Variants in LRMDA observed in about 807,000 individuals in gnomAD.
LRMDA encodes the protein leucine rich melanocyte differentiation associated.
In LRMDA, 18 loss-of-function variants were observed where a neutral mutation model predicts 29.8. The ratio of observed to expected loss-of-function variants is 0.60; its 90% CI spans 0.42 to 0.90. The LOEUF (loss-of-function observed/expected upper bound fraction) is 0.90, where lower values mean the gene tolerates loss of function less well. Among genes scored for constraint, LRMDA ranks in the 40% least tolerant of loss-of-function variants. LRMDA has a pLI of 0.00. For synonymous variants in LRMDA, 125 were observed against 109.4 expected (o/e 1.14, Z -0.89); for missense variants, 273 against 273.9 (o/e 1.00, Z 0.02).
rs116222366 is a variant in LRMDA at position 76,201,966 on chromosome 10, G to A, written c.517-122435G>A. Among the ~76,000 whole-genome samples, 1,251 of 152,114 alleles carry A rather than the reference G, an allele frequency of 8.2e-3. 18 individuals carry two copies. Among genetic ancestry groups the A allele is most frequent in the African/African-American group, 0.029 (1,185 of 41,486 alleles). On this transcript the variant is annotated intron_variant, in intron 5 of 6. Transcript: ENST00000611255. ...TCTCACAGGTCTTTGGTCTCAGCTG[G>A]GGACCCTAGGATGGCTTATATGGCT...
At position 75,709,872 on chromosome 10, in the gene LRMDA, G is replaced by A. The variant is rs957473552; in HGVS notation, c.131+271378G>A. Among the ~76,000 whole-genome samples, 45 of 152,182 alleles carry A rather than the reference G, an allele frequency of 3.0e-4. 1 individual carries two copies. On this transcript the variant is annotated intron_variant, in intron 2 of 6. Transcript: ENST00000611255. ...GCTATAGATGCAAGATAATTTTGCT[G>A]CTCCTCACCTCCCTTGGCAGCCTTC...
chr10:75,952,824 G>T (rs968575222), intron 2 of LRMDA, among the ~76,000 whole-genome samples: 1 of 151,860 alleles, frequency 6.6e-6, no homozygotes, highest in African/African-American at 2.4e-5. Flanking sequence ...TGGTGCTCTC[G>T]GCTCACTGCA....
intron 6 of LRMDA, among the ~76,000 whole-genome samples, chr10:76,509,198 A>C (rs747041165): frequency 6.6e-6 from 1 of 152,156 alleles, no homozygotes; most frequent in Non-Finnish European, 1.5e-5. Flanking sequence ...TTTCCTGGTA[A>C]GAGCTCATAT....
At chr10:75,949,890 G>T (rs1213868318) in intron 2 of LRMDA, among the ~76,000 whole-genome samples, 2 of 152,182 alleles carry the variant, frequency 1.3e-5, no homozygotes, top group Non-Finnish European at 2.9e-5. Flanking sequence ...AAGAGGGCAT[G>T]AAGTGTGGAT....
At chr10:75,730,536 T>A (rs1379860286) in intron 2 of LRMDA, among the ~76,000 whole-genome samples, 1 of 152,240 alleles carries the variant, frequency 6.6e-6, no homozygotes, top group Non-Finnish European at 1.5e-5. Context: ...ACAGGACTGC[T>A]GCAGTCTGGA....
intron 2 of LRMDA, among the ~76,000 whole-genome samples, chr10:75,849,552 A>G (rs891281223): frequency 6.6e-5 from 10 of 152,286 alleles, no homozygotes; most frequent in East Asian, 1.9e-4. Context: ...GAGCCGAACA[A>G]TGAGATCACA....
At chr10:75,632,412 T>G (rs527312952) in intron 2 of LRMDA, among the ~76,000 whole-genome samples, 41 of 152,346 alleles carry the variant, frequency 2.7e-4, no homozygotes, top group African/African-American at 9.9e-4. Flanking sequence ...TATCTCTTTT[T>G]TCTTTTTTTC....
At chr10:76,399,250 G>A (rs1482216025) in intron 6 of LRMDA, among the ~76,000 whole-genome samples, 2 of 152,114 alleles carry the variant, frequency 1.3e-5, no homozygotes, top group Non-Finnish European at 2.9e-5. Flanking sequence ...TTTTTGAGGG[G>A]CCTTTGCCTG....
At chr10:76,189,795 AG>A (rs1287160833) in intron 5 of LRMDA, among the ~76,000 whole-genome samples, 5 of 152,214 alleles carry the variant, frequency 3.3e-5, no homozygotes, top group Admixed American at 2.0e-4. Context: ...AGATGCTCTC[AG>A]ATAATCCAAA....
rs1193540312 is a variant in LRMDA at position 75,931,671 on chromosome 10, C to T, written c.132-104337C>T. On this transcript the variant is annotated intron_variant, in intron 2 of 6. Coordinates refer to ENST00000611255, the MANE Select transcript of LRMDA (RefSeq NM_001305581.2). ...GCTCAAGGAAGTCCACCCAAGAATG[C>T]TGGTGCATCAGTGAGACTCTTTAGC... 2.6e-5 allele frequency among the ~76,000 whole-genome samples: 4 copies of T among 152,282 alleles called. 1 individual carries two copies. Among genetic ancestry groups the T allele is most frequent in the Admixed American group, 1.3e-4 (2 of 15,302 alleles).
chr10:76,519,622 C>T (rs902960639), intron 6 of LRMDA, among the ~76,000 whole-genome samples: 5 of 152,142 alleles, frequency 3.3e-5, no homozygotes, highest in African/African-American at 1.2e-4. Flanking sequence ...TCCCACAAAA[C>T]TGTACTAATT....
intron 5 of LRMDA, among the ~76,000 whole-genome samples, chr10:76,235,957 A>C (rs1852144663): frequency 6.6e-6 from 1 of 152,168 alleles, no homozygotes; most frequent in Admixed American, 6.5e-5. Flanking sequence ...ACCAGCTCGA[A>C]ATATGCCAAA....
chr10:75,466,234 A>G (rs1461107611), intron 2 of LRMDA, among the ~76,000 whole-genome samples: 1 of 152,200 alleles, frequency 6.6e-6, no homozygotes. Context: ...ATTTTCCAGA[A>G]GCAAGCCTGG....
At chr10:76,135,073 A>C (rs1157515844) in intron 5 of LRMDA, among the ~76,000 whole-genome samples, 2 of 152,236 alleles carry the variant, frequency 1.3e-5, no homozygotes, top group African/African-American at 4.8e-5. Flanking sequence ...GAATTTGTAG[A>C]TGAGATAACA....
intron 2 of LRMDA, among the ~76,000 whole-genome samples, chr10:76,021,867 C>T (rs2132492015): frequency 6.6e-6 from 1 of 152,304 alleles, no homozygotes; most frequent in East Asian, 1.9e-4. Context: ...TGTATACCTA[C>T]AGAGGCAGGA....
chr10:76,179,122 C>G (rs1329628952), intron 5 of LRMDA, among the ~76,000 whole-genome samples: 1 of 152,138 alleles, frequency 6.6e-6, no homozygotes, highest in Non-Finnish European at 1.5e-5. Flanking sequence ...TTTCCATTTC[C>G]TTTTCCTTTT....
chr10:75,792,494 AC>A (rs1296478574), intron 2 of LRMDA, among the ~76,000 whole-genome samples: 1 of 152,000 alleles, frequency 6.6e-6, no homozygotes, highest in Non-Finnish European at 1.5e-5. Flanking sequence ...CGATCTGCTG[AC>A]CTCATGATCC....
At chr10:75,834,641 G>A (rs963112068) in intron 2 of LRMDA, among the ~76,000 whole-genome samples, 1 of 152,076 alleles carries the variant, frequency 6.6e-6, no homozygotes, top group Non-Finnish European at 1.5e-5. Context: ...CAACTTTATT[G>A]CTTTCAAGTT....
At chr10:75,732,491 A>G (rs991793775) in intron 2 of LRMDA, among the ~76,000 whole-genome samples, 133 of 152,250 alleles carry the variant, frequency 8.7e-4, no homozygotes, top group African/African-American at 3.1e-3. Context: ...ACTTTTGTTA[A>G]TGAATTGGAA....
Sources: gnomAD v4.1 joint callset for allele counts (sites outside exome capture counted in the v4.1 genomes callset) on GRCh38, gnomAD v4.1.1 for gene constraint, MANE v1.5 for transcripts, NCBI Gene and HGNC (gene_info 2026-07-23, HGNC 2026-07-21) for gene names.